SUFU: variants seen among roughly 807,000 people sequenced by gnomAD.
SUFU encodes SUFU negative regulator of hedgehog signaling.
In SUFU, 7 loss-of-function variants were observed where a neutral mutation model predicts 58.9. The ratio of observed to expected loss-of-function variants is 0.12; its 90% CI spans 0.07 to 0.22. The LOEUF is 0.22. Ranked by LOEUF, SUFU falls within the 10% of genes least tolerant of loss-of-function variation. SUFU has a pLI of 1.00. For missense variants in SUFU, 451 were observed against 641.3 expected (o/e 0.70, Z 3.20); for synonymous variants, 232 against 254.8 (o/e 0.91, Z 0.85).
chr10:102,573,257 C>G, intron 3 of SUFU: 1 of 661,112 alleles, frequency 1.5e-6, no homozygotes, highest in South Asian at 1.5e-5. Flanking sequence ...TTAATTAACA[C>G]AAAATCATCT....
At chr10:102,544,467 G>A (rs763609142) in intron 2 of SUFU, among the ~76,000 whole-genome samples, 2 of 152,036 alleles carry the variant, frequency 1.3e-5, no homozygotes, top group African/African-American at 2.4e-5. Flanking sequence ...TTGGGAGGCC[G>A]AGACGGGCAG....
At chr10:102,536,120 C>T (rs1171502363) in intron 2 of SUFU, among the ~76,000 whole-genome samples, 2 of 151,968 alleles carry the variant, frequency 1.3e-5, no homozygotes, top group African/African-American at 4.8e-5. Context: ...AGGCGCCCAC[C>T]AACACACCCG....
chr10:102,564,911 G>A (rs1564683084), intron 3 of SUFU, among the ~76,000 whole-genome samples: 2 of 152,150 alleles, frequency 1.3e-5, no homozygotes, highest in Non-Finnish European at 1.5e-5. Context: ...ATTAATAGTT[G>A]AAAGATTGTG....
chr10:102,550,139 C>A, intron 3 of SUFU, 33 bp downstream of exon 3: 1 of 1,613,882 alleles, frequency 6.2e-7, no homozygotes, highest in South Asian at 1.1e-5. Flanking sequence ...TGTGCTGGTC[C>A]TTTTGCCATG....
intron 2 of SUFU, among the ~76,000 whole-genome samples, chr10:102,525,169 A>T (rs2135678505): frequency 6.8e-6 from 1 of 147,770 alleles, no homozygotes; most frequent in South Asian, 2.2e-4. Context: ...GGAGTGCGGT[A>T]GTGTAATCTC....
At position 102,625,668 on chromosome 10, in the gene SUFU, T is replaced by C. The variant is rs1468614438; in HGVS notation, c.1297-1507T>C. 6.6e-6 allele frequency among the ~76,000 whole-genome samples: 1 copy of C among 152,202 alleles called. No individual in the cohort carries two copies. The highest frequency in any genetic ancestry group is 1.5e-5 in the Non-Finnish European group (1 of 68,030). ...GTGACACTGAGCAAATTACATAACC[T>C]GCCTGTGCCTGTTTCCTCCACTGTA... is the stretch of plus-strand genomic sequence containing the variant. On this transcript the variant is annotated intron_variant, in intron 10 of 11. Transcript: ENST00000369902. The surrounding 1 kb of genome is among the most constrained non-coding windows in gnomAD (Gnocchi z 4.7).
rs11596235 is a variant in SUFU, at chr10:102,631,277, C to T, written c.*1122C>T. ...CACTGCTCTCTGCTGCCCTCCCATCCTCCCTGTATCCATTCATGCCCTATC... is the reference window on the plus strand; with the variant it reads ...CACTGCTCTCTGCTGCCCTCCCATCTTCCCTGTATCCATTCATGCCCTATC... On this transcript the variant is annotated 3_prime_UTR_variant, in exon 12 of 12. Coordinates refer to ENST00000369902, the MANE Select transcript of SUFU (RefSeq NM_016169.4). 56,852 of 233,274 alleles carry T rather than the reference C, an allele frequency of 0.24. 7,530 individuals carry two copies. The highest frequency in any genetic ancestry group is 0.29 in the Non-Finnish European group (34,450 of 118,100). 14.5% of individuals were successfully genotyped at this position (233,274 alleles called of 1,614,324 possible).
intron 2 of SUFU, among the ~76,000 whole-genome samples, chr10:102,544,572 G>A (rs755399212): frequency 6.6e-6 from 1 of 151,814 alleles, no homozygotes; most frequent in Non-Finnish European, 1.5e-5. Context: ...GGTGGCACGC[G>A]CCTGTAGTCC....
chr10:102,579,728 C>G (rs1045988588), intron 3 of SUFU: 2 of 615,774 alleles, frequency 3.2e-6, no homozygotes, highest in Admixed American at 6.3e-5. Flanking sequence ...ATTCATTTCC[C>G]GTCTCCATGT....
At chr10:102,612,185 GT>G (rs2063632625) in intron 8 of SUFU, among the ~76,000 whole-genome samples, 1 of 46,808 alleles carries the variant, frequency 2.1e-5, no homozygotes, top group Admixed American at 3.0e-4. Context: ...GTGTGTGTGT[GT>G]GTGTGTGTGT....
rs138442041 is a variant in SUFU, at chr10:102,632,554, A to C, written c.*2399A>C. The C allele has an allele frequency of 3.0e-5, 7 of 233,242 alleles. No individual in the cohort carries two copies. The highest frequency in any genetic ancestry group is 1.3e-3 in the Middle Eastern group (1 of 788). 14.4% of individuals were successfully genotyped at this position (233,242 alleles called of 1,614,324 possible). A position where few individuals can be genotyped will look rare whatever the true frequency, so the allele number is the denominator to read the frequency against. ...TGGTGAGAGAGGACCCTTAAAGAAGATCAAGCCAAGCTGACCTTGGACCCT... is the reference window on the plus strand; with the variant it reads ...TGGTGAGAGAGGACCCTTAAAGAAGCTCAAGCCAAGCTGACCTTGGACCCT... On this transcript the variant is annotated 3_prime_UTR_variant, in exon 12 of 12. Coordinates refer to ENST00000369902, the MANE Select transcript of SUFU (RefSeq NM_016169.4).
chr10:102,503,084 G>A (rs560200288), upstream of SUFU, among the ~76,000 whole-genome samples: 1 of 152,270 alleles, frequency 6.6e-6, no homozygotes, highest in East Asian at 1.9e-4. Flanking sequence ...CACTCCCCCC[G>A]ACGTTCCCTT....
chr10:102,598,824 C>A (rs1422629734), intron 7 of SUFU, among the ~76,000 whole-genome samples: 1 of 152,180 alleles, frequency 6.6e-6, no homozygotes, highest in Non-Finnish European at 1.5e-5. Flanking sequence ...ATCCCAAAGA[C>A]CAGCAAAGCA....
At chr10:102,610,516 C>T (rs1220120447) in intron 8 of SUFU, among the ~76,000 whole-genome samples, 2 of 151,922 alleles carry the variant, frequency 1.3e-5, no homozygotes, top group East Asian at 1.9e-4. Flanking sequence ...GCATTATAGG[C>T]AAAACAGAAA....
intron 3 of SUFU, among the ~76,000 whole-genome samples, chr10:102,562,408 C>T (rs1344580594): frequency 2.6e-5 from 4 of 152,054 alleles, no homozygotes; most frequent in Non-Finnish European, 5.9e-5. Flanking sequence ...CCTGTAGTCC[C>T]AGCTATCGGG....
At position 102,628,752 on chromosome 10, in the gene SUFU, A is replaced by G. The variant is rs1766523856; in HGVS notation, c.1366-1314A>G. 2.6e-5 allele frequency among the ~76,000 whole-genome samples: 4 copies of G among 152,330 alleles called. No individual in the cohort carries two copies. The highest frequency in any genetic ancestry group is 7.2e-5 in the African/African-American group (3 of 41,582). On this transcript the variant is annotated intron_variant, in intron 11 of 11. Transcript: ENST00000369902. This position sits in a 1 kb window ranked among gnomAD's most constrained non-coding sequence, Gnocchi z 4.5. ...CAGCAGAGGGAGCGAAGAGGGAGGC[A>G]GCCAGGAAGGGTCAGGCTCGTCTGC...
chr10:102,581,161 C>CAG (rs1223915866), intron 3 of SUFU, among the ~76,000 whole-genome samples: 2 of 118,776 alleles, frequency 1.7e-5, no homozygotes, highest in East Asian at 4.8e-4. Flanking sequence ...GCCTGGGCGA[C>CAG]AGAGAGAGAC....
intron 4 of SUFU, 74 bp downstream of exon 4, chr10:102,592,798 G>C (rs1000446217): frequency 6.4e-7 from 1 of 1,574,110 alleles, no homozygotes; most frequent in Non-Finnish European, 8.7e-7. Flanking sequence ...GGCTTGAGGA[G>C]GGGGAGTGAA....
At chr10:102,612,007 G>A (rs1315422790) in intron 8 of SUFU, among the ~76,000 whole-genome samples, 1 of 152,216 alleles carries the variant, frequency 6.6e-6, no homozygotes, top group East Asian at 1.9e-4. Context: ...CCATGCTGCC[G>A]AGCACACTAC....
Sources: gnomAD v4.1 joint callset for allele counts (sites outside exome capture counted in the v4.1 genomes callset) on GRCh38, gnomAD v4.1.1 for gene constraint, Gnocchi (gnomAD v3.1) non-coding constraint, MANE v1.5 for transcripts, NCBI Gene and HGNC (gene_info 2026-07-23, HGNC 2026-07-21) for gene names.